The following CNTN6 variants were observed in gnomAD, a reference collection of about 807,000 sequenced individuals.
CNTN6 encodes contactin-6.
In CNTN6, 137 loss-of-function variants were observed where a neutral mutation model predicts 122.8. The observed-to-expected ratio is 1.12, with a 90% CI of 0.97 to 1.29. CNTN6 has a LOEUF of 1.29. Among genes scored for constraint, CNTN6 ranks in the 50% most tolerant of loss-of-function variants. CNTN6 has a pLI of 0.00. For synonymous variants in CNTN6, 570 were observed against 426.0 expected, an observed-to-expected ratio of 1.34 and a Z score of -4.16; for missense variants, 1,634 against 1,223.4, an observed-to-expected ratio of 1.34 and a Z score of -5.01.
Position 1,278,532 on chromosome 3 carries a change from TATC to T in CNTN6, c.454+29_454+31del, listed in dbSNP as rs754943569. The T allele has an allele frequency of 2.6e-6, 4 of 1,519,846 alleles. No individual in the cohort carries two copies. The Admixed American group carries it at 6.8e-5, about 26-fold the overall frequency. 94.1% of individuals were successfully genotyped at this position (1,519,846 alleles called of 1,614,324 possible). The stretch of plus-strand genomic sequence containing the variant: ...AGGTATGATGGGGTGATTTGGGTCA[TATC>T]ATCAATGCGGTCACTTGGAGAGTGA... On this transcript the variant is annotated intron_variant, in intron 5 of 22. Transcript: ENST00000446702.
At chr3:1,298,313 A>G (rs553210549) in intron 7 of CNTN6, 2 of 187,940 alleles carry the variant, frequency 1.1e-5, no homozygotes, top group Non-Finnish European at 2.2e-5. Flanking sequence ...GCAAGTCACT[A>G]AACCTTCCAC....
intron 2 of CNTN6, 140 bp from the exon 3 acceptor site, chr3:1,220,547 T>C: frequency 1.3e-6 from 1 of 772,466 alleles, no homozygotes; most frequent in East Asian, 3.1e-5. Context: ...TTGTCCATTT[T>C]TGTAATACTT....
At chr3:1,313,018 T>C (rs961746692) in intron 7 of CNTN6, among the ~76,000 whole-genome samples, 2 of 132,674 alleles carry the variant, frequency 1.5e-5, no homozygotes, top group African/African-American at 8.3e-5. Context: ...GATAAACTGT[T>C]AATATGCCAT....
intron 12 of CNTN6, among the ~76,000 whole-genome samples, chr3:1,368,632 G>T (rs1197390826): frequency 6.6e-6 from 1 of 152,040 alleles, no homozygotes; most frequent in Non-Finnish European, 1.5e-5. Flanking sequence ...TATAAATTCT[G>T]TTGATCTAGT....
chr3:1,287,900 C>T (rs1028062756), intron 5 of CNTN6, among the ~76,000 whole-genome samples: 18 of 152,222 alleles, frequency 1.2e-4, no homozygotes, highest in African/African-American at 4.3e-4. Context: ...CCATGTTTAG[C>T]ATATGAGCAA....
Position 1,321,678 on chromosome 3 carries a change from T to C in CNTN6, c.790T>C (p.Leu264=), listed in dbSNP as rs371168661. 10 of 1,611,378 alleles carry C rather than the reference T, an allele frequency of 6.2e-6. No homozygotes were observed. Among genetic ancestry groups the C allele is most frequent in the Admixed American group, 1.7e-5 (1 of 59,776 alleles). ...AGTCCCCGATATTAGTTGGAGAAGG[T>C]TGGACGGGAGCCCGTTGCCAGGGAA... ...NPVPDISWRR[L]DGSPLPGKVK... Residue 264 remains leucine, a synonymous_variant, in exon 8 of 23, where the codon TTG becomes CTG. Transcript: ENST00000446702.
rs1392754000 is a variant in CNTN6 at position 1,402,468 on chromosome 3, A to G, written c.2968A>G (p.Arg990Gly). 2 of 1,609,088 alleles carry G rather than the reference A, an allele frequency of 1.2e-6. No homozygotes were observed. The highest frequency in any genetic ancestry group is 1.7e-6 in the Non-Finnish European group (2 of 1,176,532). Residue 990 changes from arginine (R) to glycine (G), a missense_variant, in exon 22 of 23, where the codon AGG becomes GGG. Physicochemically the swap from Arg to Gly is moderately radical, Grantham distance 125 (BLOSUM62 -2). Transcript: ENST00000446702. ...AGATGGAAGCAGCAGTGAGGAAATTAGGATTCCAAAAATGTCAAGTAAGTT... is the reference window on the plus strand; with the variant it reads ...AGATGGAAGCAGCAGTGAGGAAATTGGGATTCCAAAAATGTCAAGTAAGTT... ...GGDGSSSEEI[R>G]IPKMSSLSSR...
Position 1,391,943 on chromosome 3 carries a change from G to A in CNTN6, c.2704+6146G>A, listed in dbSNP as rs540834641. Among the ~76,000 whole-genome samples, 728 of 152,234 alleles carry A rather than the reference G, an allele frequency of 4.8e-3. 2 individuals are homozygous for A. Among genetic ancestry groups the A allele is most frequent in the African/African-American group, 0.016 (678 of 41,522 alleles). ...ATGGAAGAACATTCCATGCTCATGGGTAGGAAGAATCAATATCATGAAAAT... is the reference window on the plus strand; with the variant it reads ...ATGGAAGAACATTCCATGCTCATGGATAGGAAGAATCAATATCATGAAAAT... On this transcript the variant is annotated intron_variant, in intron 20 of 22. Transcript: ENST00000446702.
intron 11 of CNTN6, among the ~76,000 whole-genome samples, chr3:1,341,653 G>T (rs970902251): frequency 1.3e-5 from 2 of 152,056 alleles, no homozygotes; most frequent in Admixed American, 1.3e-4. Flanking sequence ...TTTGTGTTGC[G>T]TCAGCCACTA....
intron 1 of CNTN6, among the ~76,000 whole-genome samples, chr3:1,114,122 C>T (rs146185341): frequency 2.6e-5 from 4 of 152,270 alleles, no homozygotes; most frequent in East Asian, 1.9e-4. Flanking sequence ...ATACACTCTT[C>T]GGTTCTGTGT....
chr3:1,388,080 T>G (rs1271080923), intron 20 of CNTN6, among the ~76,000 whole-genome samples: 1 of 152,106 alleles, frequency 6.6e-6, no homozygotes, highest in Admixed American at 6.5e-5. Context: ...GAGGCCTGCC[T>G]GCAACTGTAG....
intron 1 of CNTN6, among the ~76,000 whole-genome samples, chr3:1,100,764 C>T (rs904869170): frequency 2.6e-5 from 4 of 151,770 alleles, no homozygotes; most frequent in Non-Finnish European, 5.9e-5. Flanking sequence ...ATTTATATTG[C>T]TCTTTTAAAA....
At chr3:1,171,311 A>G (rs1346622446) in intron 2 of CNTN6, among the ~76,000 whole-genome samples, 1 of 152,234 alleles carries the variant, frequency 6.6e-6, no homozygotes, top group Non-Finnish European at 1.5e-5. Context: ...TAGGTTCCAG[A>G]AAGAGATGGG....
chr3:1,363,878 C>T (rs1429383889), intron 12 of CNTN6, among the ~76,000 whole-genome samples: 1 of 151,944 alleles, frequency 6.6e-6, no homozygotes, highest in Non-Finnish European at 1.5e-5. Context: ...TTCCCACCAA[C>T]AGTATGTAAG....
At position 1,220,758 on chromosome 3, in the gene CNTN6, A is replaced by G. The variant is rs1386286051; in HGVS notation, c.127A>G (p.Lys43Glu). ...HDVIFPLDLS[K>E]SEVILNCAAN... ...TGTCATTTTTCCTTTGGATTTATCA[A>G]AATCTGAGGTCATCCTGAATTGTGC... The change falls in exon 3 of 23, where the codon AAA (lysine) becomes GAA (glutamate). Residue 43 changes from lysine (K) to glutamate (E), a missense_variant. Lys to Glu is a moderately conservative substitution (Grantham distance 56). Transcript: ENST00000446702. 1 of 1,612,950 alleles carries G rather than the reference A, an allele frequency of 6.2e-7. No individual in the cohort carries two copies. Among genetic ancestry groups the G allele is most frequent in the East Asian group, 2.2e-5 (1 of 44,844 alleles).
chr3:1,130,640 A>T (rs999046163), intron 1 of CNTN6, among the ~76,000 whole-genome samples: 1 of 152,122 alleles, frequency 6.6e-6, no homozygotes, highest in Non-Finnish European at 1.5e-5. Context: ...GTAACCCACT[A>T]TCCTAGCAAT....
At chr3:1,351,849 C>T (rs17038113) in intron 11 of CNTN6, among the ~76,000 whole-genome samples, 2,509 of 151,952 alleles carry the variant, frequency 0.017, 74 homozygotes, top group African/African-American at 0.057. Context: ...CAAATACTGT[C>T]GTGGTTCAAC....
At chr3:1,354,846 A>T (rs534286964) in intron 12 of CNTN6, among the ~76,000 whole-genome samples, 1 of 151,630 alleles carries the variant, frequency 6.6e-6, no homozygotes, top group African/African-American at 2.4e-5. Flanking sequence ...ACCTTTTTAC[A>T]TGCATTCACT....
chr3:1,160,875 C>T (rs534336450), intron 2 of CNTN6, among the ~76,000 whole-genome samples: 18 of 151,948 alleles, frequency 1.2e-4, no homozygotes, highest in Non-Finnish European at 2.1e-4. Context: ...CGTTTAAACA[C>T]AGCTATTATT....
Sources: gnomAD v4.1 joint callset for allele counts (sites outside exome capture counted in the v4.1 genomes callset) on GRCh38, gnomAD v4.1.1 for gene constraint, MANE v1.5 for transcripts, NCBI Gene and HGNC (gene_info 2026-07-23, HGNC 2026-07-21) for gene names.